The following MACROD2 variants were observed in gnomAD, a reference collection of about 807,000 sequenced individuals.
MACROD2 encodes ADP-ribose glycohydrolase MACROD2.
A neutral mutation model predicts 70.4 loss-of-function variants in MACROD2; 36 were observed. The ratio of observed to expected loss-of-function variants is 0.51; its 90% CI spans 0.39 to 0.68. The LOEUF is 0.68. Among genes scored for constraint, MACROD2 ranks in the 30% least tolerant of loss-of-function variants. MACROD2 has a pLI of 0.00. For synonymous variants in MACROD2, 172 were observed against 178.8 expected, an observed-to-expected ratio of 0.96 and a Z score of 0.30; for missense variants, 496 against 538.4, an observed-to-expected ratio of 0.92 and a Z score of 0.78.
chr20:15,949,559 C>A (rs1435835970), intron 12 of MACROD2, among the ~76,000 whole-genome samples: 1 of 152,118 alleles, frequency 6.6e-6, no homozygotes, highest in Non-Finnish European at 1.5e-5. Flanking sequence ...TGCCAGCAAG[C>A]AGAAACACCT....
At chr20:14,103,465 A>G (rs1056446943) in intron 3 of MACROD2, among the ~76,000 whole-genome samples, 5 of 152,150 alleles carry the variant, frequency 3.3e-5, no homozygotes, top group African/African-American at 1.2e-4. Context: ...TGTTATACAT[A>G]CTGGTCAACT....
intron 7 of MACROD2, among the ~76,000 whole-genome samples, chr20:15,477,506 T>C (rs2047038787): frequency 6.6e-6 from 1 of 152,080 alleles, no homozygotes. Flanking sequence ...AGTTTTAAAA[T>C]TTGAGACAAA....
rs149766807 is a variant in MACROD2, at chr20:15,439,949, G to A, written c.571+8514G>A. Among the ~76,000 whole-genome samples, 228 of 152,228 alleles carry A rather than the reference G, an allele frequency of 1.5e-3. 1 individual carries two copies. The highest frequency in any genetic ancestry group is 5.4e-3 in the African/African-American group (223 of 41,548). ...TGGCCTCTAAAGCAGTCTCTAAACAGATCTGAACCTCCCTGATGGACATTT... is the reference window on the plus strand; with the variant it reads ...TGGCCTCTAAAGCAGTCTCTAAACAAATCTGAACCTCCCTGATGGACATTT... On this transcript the variant is annotated intron_variant, in intron 7 of 17. Transcript: ENST00000684519.
intron 8 of MACROD2, among the ~76,000 whole-genome samples, chr20:15,843,260 G>A (rs1227848948): frequency 6.6e-6 from 1 of 152,162 alleles, no homozygotes; most frequent in African/African-American, 2.4e-5. Context: ...GTTAGAACAA[G>A]TTCAAAGAAG....
intron 6 of MACROD2, among the ~76,000 whole-genome samples, chr20:15,264,229 A>G (rs751446404): frequency 1.3e-5 from 2 of 152,214 alleles, no homozygotes; most frequent in African/African-American, 2.4e-5. Flanking sequence ...AGGAAGTTCA[A>G]AATAAAATTT....
chr20:15,041,613 T>A (rs1049924351), intron 5 of MACROD2, among the ~76,000 whole-genome samples: 102 of 152,166 alleles, frequency 6.7e-4, no homozygotes, highest in Admixed American at 3.6e-3. Flanking sequence ...TCTAAATTTT[T>A]AAACATTTTT....
chr20:15,855,861 T>G (rs1276122730), intron 8 of MACROD2, among the ~76,000 whole-genome samples: 1 of 152,216 alleles, frequency 6.6e-6, no homozygotes. Flanking sequence ...TGGTTATAAA[T>G]TTTTTGTTCT....
chr20:15,519,055 TTTCCTTCC>T (rs373164988), intron 8 of MACROD2, among the ~76,000 whole-genome samples: 19,811 of 116,318 alleles, frequency 0.17, 1,910 homozygotes, highest in African/African-American at 0.24. Context: ...TAACTCGCTC[TTTCCTTCC>T]TTCCTTCCTT....
intron 8 of MACROD2, among the ~76,000 whole-genome samples, chr20:15,769,621 A>G (rs192249692): frequency 1.3e-5 from 2 of 152,336 alleles, no homozygotes; most frequent in Admixed American, 6.5e-5. Context: ...TGGCTATGAC[A>G]TTATTAGACA....
intron 3 of MACROD2, among the ~76,000 whole-genome samples, chr20:14,144,782 A>C (rs1569178437): frequency 6.6e-6 from 1 of 152,138 alleles, no homozygotes; most frequent in Non-Finnish European, 1.5e-5. Flanking sequence ...GAGAGACTAC[A>C]CTGGTATGTT....
At chr20:15,608,392 A>G (rs2048922437) in intron 8 of MACROD2, among the ~76,000 whole-genome samples, 1 of 152,178 alleles carries the variant, frequency 6.6e-6, no homozygotes, top group South Asian at 2.1e-4. Context: ...CTTATGCTTT[A>G]CCATTGCCAT....
chr20:16,016,942 A>G (rs895888141), intron 15 of MACROD2, among the ~76,000 whole-genome samples: 1 of 152,188 alleles, frequency 6.6e-6, no homozygotes, highest in Non-Finnish European at 1.5e-5. Flanking sequence ...ATATTGCCAG[A>G]TATGTTCACT....
intron 6 of MACROD2, among the ~76,000 whole-genome samples, chr20:15,291,138 A>C (rs1225407358): frequency 5.3e-5 from 8 of 152,198 alleles, no homozygotes; most frequent in African/African-American, 1.9e-4. Context: ...GGAATCAGTA[A>C]TTCTATCAGC....
At chr20:14,265,758 C>T (rs997158118) in intron 3 of MACROD2, among the ~76,000 whole-genome samples, 4 of 148,168 alleles carry the variant, frequency 2.7e-5, no homozygotes, top group African/African-American at 9.8e-5. Flanking sequence ...TCAAATTCAA[C>T]CTGTTCCCCG....
chr20:15,206,721 G>GTTTTTTTTTTTTTTTTTTTTTTGTT (rs2076707542), intron 5 of MACROD2, among the ~76,000 whole-genome samples: 1 of 32,990 alleles, frequency 3.0e-5, no homozygotes, highest in African/African-American at 1.5e-4. Context: ...TATTATCTAT[G>GTTTTTTTTTTTTTTTTTTTTTTGTT]TTTTTTTTTT....
At chr20:15,558,099 G>A (rs1035177) in intron 8 of MACROD2, among the ~76,000 whole-genome samples, 38,106 of 152,090 alleles carry the variant, frequency 0.25, 5,083 homozygotes, top group South Asian at 0.43. Context: ...AATCAGGTAA[G>A]ACACTCAGGG....
At chr20:15,810,193 C>T (rs1047796033) in intron 8 of MACROD2, among the ~76,000 whole-genome samples, 3 of 151,838 alleles carry the variant, frequency 2.0e-5, no homozygotes, top group African/African-American at 7.3e-5. Flanking sequence ...AGGATATGAA[C>T]TCATCATTTT....
chr20:15,005,799 G>A (rs1459898027), intron 5 of MACROD2, among the ~76,000 whole-genome samples: 1 of 152,116 alleles, frequency 6.6e-6, no homozygotes, highest in Non-Finnish European at 1.5e-5. Flanking sequence ...TTCTTTATGT[G>A]TGACTGGTTG....
chr20:15,484,093 C>A (rs189144605), intron 7 of MACROD2, among the ~76,000 whole-genome samples: 4 of 69,446 alleles, frequency 5.8e-5, no homozygotes, highest in South Asian at 1.2e-3. Context: ...TTTTTCTTGT[C>A]TTGCTGCTTT....
Sources: gnomAD v4.1 joint callset for allele counts (sites outside exome capture counted in the v4.1 genomes callset) on GRCh38, gnomAD v4.1.1 for gene constraint, MANE v1.5 for transcripts, NCBI Gene and HGNC (gene_info 2026-07-23, HGNC 2026-07-21) for gene names.